Variants in KANK1 observed in about 807,000 individuals in gnomAD.
The protein encoded by KANK1 is KN motif and ankyrin repeat domain-containing protein 1.
A neutral mutation model predicts 106.2 loss-of-function variants in KANK1; 109 were observed. The ratio of observed to expected loss-of-function variants is 1.03; its 90% CI spans 0.88 to 1.20. KANK1 has a LOEUF of 1.20. KANK1 is among the 50% of genes most tolerant of loss of function. The probability of loss-of-function intolerance (pLI) is 0.00; values close to 1 mark genes in which losing one functional copy is unlikely to be tolerated. For missense variants in KANK1, 2,399 were observed against 1,710.7 expected, an observed-to-expected ratio of 1.40 and a Z score of -7.10; for synonymous variants, 873 against 652.2, an observed-to-expected ratio of 1.34 and a Z score of -5.16.
chr9:513,713 T>C (rs2059132121), intron 1 of KANK1, among the ~76,000 whole-genome samples: 1 of 152,212 alleles, frequency 6.6e-6, no homozygotes, highest in Non-Finnish European at 1.5e-5. Context: ...TTCTGACTGG[T>C]TCACCCTTTG....
At chr9:542,076 G>A (rs1050458118) in intron 1 of KANK1, among the ~76,000 whole-genome samples, 3 of 151,002 alleles carry the variant, frequency 2.0e-5, no homozygotes, top group African/African-American at 7.3e-5. Flanking sequence ...GCGACAGAGC[G>A]AGACTCCGTC....
In KANK1 at chr9:730,263, T is replaced by G; in HGVS notation, c.2896+15T>G. The G allele has an allele frequency of 6.2e-7, 1 of 1,612,920 alleles. No individual in the cohort carries two copies. Among genetic ancestry groups the G allele is most frequent in the Non-Finnish European group, 8.5e-7 (1 of 1,178,866 alleles). On this transcript the variant is annotated intron_variant, in intron 4 of 11. Coordinates refer to ENST00000382297, the MANE Select transcript of KANK1 (RefSeq NM_015158.5). Reference sequence around the variant, plus strand: ...TGGCCTCTATGGTAACTTTTCTCACTCACAGTCATTGGCATCAGGATTCTA... The same window carrying G: ...TGGCCTCTATGGTAACTTTTCTCACGCACAGTCATTGGCATCAGGATTCTA...
At chr9:493,988 T>G (rs1465217704) in intron 3 of KANK1, among the ~76,000 whole-genome samples, 1 of 152,092 alleles carries the variant, frequency 6.6e-6, no homozygotes, top group Non-Finnish European at 1.5e-5. Flanking sequence ...GTTCAAGCGA[T>G]TCTCCTGCCT....
intron 1 of KANK1, among the ~76,000 whole-genome samples, chr9:544,916 T>C (rs2060839361): frequency 6.6e-6 from 1 of 152,050 alleles, no homozygotes; most frequent in Non-Finnish European, 1.5e-5. Flanking sequence ...TTTAAGTTGG[T>C]AGGTGAAGTG....
rs767559747 is a variant in KANK1 at position 730,145 on chromosome 9, C to T, written c.2793C>T (p.Thr931=). The T allele has an allele frequency of 5.0e-6, 8 of 1,614,140 alleles. No individual in the cohort carries two copies. In the Admixed American group the frequency reaches 1.0e-4, roughly 20 times the overall value. Residue 931 remains threonine, a synonymous_variant, in exon 4 of 12, where the codon ACC becomes ACT. Coordinates refer to ENST00000382297, the MANE Select transcript of KANK1 (RefSeq NM_015158.5). The stretch of plus-strand genomic sequence containing the variant: ...CCCAGCCTGAGCAAGAAGTGGGGAC[C>T]TCAGAAGGAAAGCCAATCAGCAGCC... ...QTSQPEQEVG[T]SEGKPISSLD...
intron 1 of KANK1, among the ~76,000 whole-genome samples, chr9:609,017 C>T (rs1470125466): frequency 3.3e-5 from 5 of 151,856 alleles, no homozygotes; most frequent in African/African-American, 1.2e-4. Context: ...GTTCAGTTAC[C>T]CTTTGGGACT....
chr9:541,402 A>G (rs568815422), intron 1 of KANK1, among the ~76,000 whole-genome samples: 10 of 152,268 alleles, frequency 6.6e-5, no homozygotes, highest in African/African-American at 2.4e-4. Flanking sequence ...CCTTTCTCAC[A>G]CCATATACAA....
At chr9:682,577 T>G (rs1208685503) in intron 2 of KANK1, among the ~76,000 whole-genome samples, 2 of 152,226 alleles carry the variant, frequency 1.3e-5, no homozygotes, top group African/African-American at 2.4e-5. Flanking sequence ...GAAGTATTCT[T>G]TTTTTGTTTG....
intron 1 of KANK1, chr9:673,859 A>G (rs1398105063): frequency 2.0e-5 from 3 of 152,066 alleles, no homozygotes; most frequent in African/African-American, 7.2e-5. Context: ...CAAACACACA[A>G]GGCTAGCAAG....
At chr9:575,959 G>C (rs763122655) in intron 1 of KANK1, among the ~76,000 whole-genome samples, 8 of 152,252 alleles carry the variant, frequency 5.3e-5, no homozygotes, top group Non-Finnish European at 7.3e-5. Flanking sequence ...GTATGTGGAG[G>C]TTACAGTGAG....
rs76288164 is a variant in KANK1, at chr9:700,520, C to G, written c.38-10284C>G. ...TAATTAGCTTCATGAGAACTTGCCT[C>G]TCTTCCTGAGTTCATCCTACTGGTT... On this transcript the variant is annotated intron_variant, in intron 2 of 11. Transcript: ENST00000382297. Among the ~76,000 whole-genome samples the G allele has an allele frequency of 7.9e-3, 1,208 of 152,328 alleles. 22 individuals are homozygous for G. Among genetic ancestry groups the G allele is most frequent in the African/African-American group, 0.027 (1,141 of 41,566 alleles).
chr9:511,943 C>G (rs7849531), intron 1 of KANK1, among the ~76,000 whole-genome samples: 3 of 151,920 alleles, frequency 2.0e-5, no homozygotes, highest in African/African-American at 7.3e-5. Context: ...CTGCTGCTTT[C>G]GGTGTTGACT....
intron 1 of KANK1, among the ~76,000 whole-genome samples, chr9:535,093 G>C (rs1172676248): frequency 6.6e-6 from 1 of 152,164 alleles, no homozygotes; most frequent in Non-Finnish European, 1.5e-5. Flanking sequence ...CAGTAACTCT[G>C]CCCAGTGTTC....
chr9:688,237 T>A (rs774040535), intron 2 of KANK1, among the ~76,000 whole-genome samples: 1 of 152,212 alleles, frequency 6.6e-6, no homozygotes, highest in Non-Finnish European at 1.5e-5. Flanking sequence ...ACACACACAC[T>A]CTTGCGTTCT....
At chr9:540,219 C>G (rs10975046) in intron 1 of KANK1, among the ~76,000 whole-genome samples, 9 of 152,130 alleles carry the variant, frequency 5.9e-5, no homozygotes, top group African/African-American at 1.9e-4. Context: ...TATACCTAAT[C>G]TGTTGAGAGT....
intron 1 of KANK1, among the ~76,000 whole-genome samples, chr9:562,750 T>C (rs1816820397): frequency 6.6e-6 from 1 of 152,210 alleles, no homozygotes; most frequent in South Asian, 2.1e-4. Flanking sequence ...TAGTGGAGAT[T>C]TCCAATTTAA....
chr9:483,457 G>A (rs1261439513), intron 3 of KANK1, among the ~76,000 whole-genome samples: 2 of 152,154 alleles, frequency 1.3e-5, no homozygotes, highest in African/African-American at 4.8e-5. Context: ...GTGAATAGTT[G>A]CTAGGAGTGA....
chr9:508,121 C>CTTTTTTTTTTT (rs71314711), intron 1 of KANK1, among the ~76,000 whole-genome samples: 1 of 39,186 alleles, frequency 2.6e-5, no homozygotes, highest in African/African-American at 7.4e-5. Flanking sequence ...CCTGCTCAGC[C>CTTTTTTTTTTT]TTTTTTTTTT....
intron 1 of KANK1, among the ~76,000 whole-genome samples, chr9:595,336 C>CT (rs1825945633): frequency 6.6e-6 from 1 of 151,718 alleles, no homozygotes; most frequent in African/African-American, 2.4e-5. Context: ...GAAAAGTGCT[C>CT]TTTCTGGTGT....
Sources: allele counts gnomAD v4.1 joint callset (sites outside exome capture counted in the v4.1 genomes callset), GRCh38; gene constraint gnomAD v4.1.1; transcripts MANE v1.5; gene names NCBI Gene and HGNC (gene_info 2026-07-23, HGNC 2026-07-21).